The following TOM1 variants were observed in gnomAD, a reference collection of about 807,000 sequenced individuals.
The protein encoded by TOM1 is target of myb1 membrane trafficking protein.
A neutral mutation model predicts 61.3 loss-of-function variants in TOM1; 38 were observed. The observed-to-expected ratio is 0.62, with a 90% CI of 0.48 to 0.81. The LOEUF (loss-of-function observed/expected upper bound fraction) is 0.81, where lower values mean the gene tolerates loss of function less well. Ranked by LOEUF, TOM1 falls within the 40% of genes least tolerant of loss-of-function variation. The pLI is 0.00. For synonymous variants in TOM1, 270 were observed against 268.8 expected, an observed-to-expected ratio of 1.00 and a Z score of -0.04; for missense variants, 591 against 659.6, an observed-to-expected ratio of 0.90 and a Z score of 1.14.
In TOM1 at chr22:35,327,361, G is replaced by A. The variant is rs200670439; in HGVS notation, c.739G>A (p.Glu247Lys). 2.2e-5 allele frequency: 36 copies of A among 1,613,520 alleles called. No individual in the cohort carries two copies. The highest frequency in any genetic ancestry group is 8.0e-5 in the African/African-American group (6 of 75,040). The change falls in exon 7 of 15, where the codon GAG becomes AAG. Residue 247 changes from glutamate to lysine, a missense_variant. Physicochemically the swap from Glu to Lys is moderately conservative, Grantham distance 56 (BLOSUM62 1). Transcript: ENST00000449058. The stretch of plus-strand genomic sequence containing the variant: ...GACGGAGCTGGTGCCCACCCAGGCC[G>A]AGCCCGCAGACCTGGAGCTGCTGCA... ...MLTELVPTQA[E>K]PADLELLQEL...
intron 2 of TOM1, 66 bp from the exon 3 acceptor site, chr22:35,321,893 C>T (rs1927823325): frequency 8.8e-6 from 12 of 1,365,586 alleles, no homozygotes; most frequent in Non-Finnish European, 1.2e-5. Context: ...TCCAACTCTC[C>T]AGGGTCTCTG....
At chr22:35,307,652 C>T (rs1306537261) in intron 1 of TOM1, among the ~76,000 whole-genome samples, 1 of 152,108 alleles carries the variant, frequency 6.6e-6, no homozygotes. Context: ...AACTGGGCCT[C>T]GCTCCTGCTG....
At chr22:35,346,880 C>G (rs371002429) in intron 13 of TOM1, 50 bp from the exon 14 acceptor site, 2 of 1,576,932 alleles carry the variant, frequency 1.3e-6, no homozygotes, top group East Asian at 2.2e-5. Flanking sequence ...CCAGGCTGAC[C>G]GTACTGGGGG....
intron 1 of TOM1, among the ~76,000 whole-genome samples, chr22:35,309,412 G>C (rs1303338989): frequency 4.6e-5 from 7 of 152,176 alleles, no homozygotes; most frequent in Admixed American, 3.3e-4. Flanking sequence ...GGGAGGCCAA[G>C]ACAGGCAGAT....
intron 1 of TOM1, among the ~76,000 whole-genome samples, chr22:35,311,608 T>C (rs1043724585): frequency 1.3e-5 from 2 of 152,204 alleles, no homozygotes; most frequent in Non-Finnish European, 2.9e-5. Context: ...CCCTCTGCTC[T>C]GTTGCACCAG....
chr22:35,345,594 G>A (rs1930435554), intron 12 of TOM1, 131 bp from the exon 13 acceptor site: 1 of 843,078 alleles, frequency 1.2e-6, no homozygotes. Flanking sequence ...CCCAGTGGTG[G>A]GTCCGGGCAG....
intron 1 of TOM1, among the ~76,000 whole-genome samples, chr22:35,304,679 C>G (rs1358336857): frequency 6.6e-6 from 1 of 152,170 alleles, no homozygotes; most frequent in Non-Finnish European, 1.5e-5. Flanking sequence ...GGGGTTTCAC[C>G]GTGTTAGCCA....
At chr22:35,325,781 A>G (rs1200768190) in intron 6 of TOM1, among the ~76,000 whole-genome samples, 1 of 152,246 alleles carries the variant, frequency 6.6e-6, no homozygotes, top group African/African-American at 2.4e-5. Context: ...CAATGCAAGA[A>G]GGTGCTTGCT....
At chr22:35,324,079 G>A (rs895600964) in intron 6 of TOM1, among the ~76,000 whole-genome samples, 165 bp downstream of exon 6, 9 of 152,206 alleles carry the variant, frequency 5.9e-5, no homozygotes, top group African/African-American at 1.9e-4. Flanking sequence ...GACTCAGAGA[G>A]GTCCATTCAC....
At chr22:35,330,560 A>C in intron 8 of TOM1, 80 bp downstream of exon 8, 2 of 1,393,920 alleles carry the variant, frequency 1.4e-6, no homozygotes, top group South Asian at 1.4e-5. Flanking sequence ...TCCTGGTCTC[A>C]TGCCATCTGA....
intron 1 of TOM1, among the ~76,000 whole-genome samples, chr22:35,304,152 G>A (rs1926102769): frequency 6.6e-6 from 1 of 152,144 alleles, no homozygotes; most frequent in Admixed American, 6.5e-5. Flanking sequence ...GCCACTCAAG[G>A]TCAGAATCCA....
rs939736006 is a variant in TOM1, at chr22:35,347,274, C to T, written c.*65C>T. On this transcript the variant is annotated 3_prime_UTR_variant, in exon 15 of 15. Transcript: ENST00000449058. ...TCTCACACCCTTAGGCTGGGACCTC[C>T]CTCCCTCCTCTGGTGTTAAGGCTGC... The T allele has an allele frequency of 1.1e-5, 17 of 1,492,832 alleles. No homozygotes were observed. Among genetic ancestry groups the T allele is most frequent in the Non-Finnish European group, 1.4e-5 (16 of 1,112,064 alleles). 92.5% of individuals were successfully genotyped at this position (1,492,832 alleles called of 1,614,324 possible).
At position 35,320,987 on chromosome 22, in the gene TOM1, G is replaced by GAAA. The variant is rs138783; in HGVS notation, c.138-960_138-958dup. On this transcript the variant is annotated intron_variant, in intron 2 of 14. Transcript: ENST00000449058. Reference sequence around the variant, plus strand: ...ACAGAGTGAGACTCTGTCTCAGAAGGAAAAAAAAAAAAAACTTGAATGGAA... The same window carrying GAAA: ...ACAGAGTGAGACTCTGTCTCAGAAGGAAAAAAAAAAAAAAAAACTTGAATGGAA... Among the ~76,000 whole-genome samples the GAAA allele has an allele frequency of 1.5e-3, 129 of 88,948 alleles. 6 individuals carry two copies. Among genetic ancestry groups the GAAA allele is most frequent in the African/African-American group, 4.2e-3 (119 of 28,304 alleles). The allele number at this position is 88,948 out of a possible 152,430, so 58.4% of individuals were successfully genotyped here. A position where few individuals can be genotyped will look rare whatever the true frequency, so the allele number is the denominator to read the frequency against.
At chr22:35,299,596 C>T (rs1316443462), upstream of TOM1, 6 of 345,178 alleles carry the variant, frequency 1.7e-5, no homozygotes, top group Non-Finnish European at 3.2e-5. Context: ...GGTCTACGAC[C>T]CAGTTTCCCA....
At chr22:35,339,838 A>G (rs2145714650) in intron 12 of TOM1, among the ~76,000 whole-genome samples, 1 of 150,300 alleles carries the variant, frequency 6.7e-6, no homozygotes, top group South Asian at 2.1e-4. Flanking sequence ...CAGGAGGCGG[A>G]GCTTGCAGTG....
intron 1 of TOM1, among the ~76,000 whole-genome samples, chr22:35,303,504 C>CTTTTTTTTTTTTTT: frequency 7.6e-6 from 1 of 131,610 alleles, no homozygotes. Context: ...TTTATTATTT[C>CTTTTTTTTTTTTTT]TTTTTTTTTT....
At chr22:35,338,893 C>A in intron 12 of TOM1, 105 bp downstream of exon 12, 1 of 1,052,998 alleles carries the variant, frequency 9.5e-7, no homozygotes, top group Non-Finnish European at 1.3e-6. Flanking sequence ...CCAGCACGTC[C>A]ACAGGCCCTT....
chr22:35,327,559 G>A (rs114740270), intron 7 of TOM1, among the ~76,000 whole-genome samples, 172 bp downstream of exon 7: 149 of 152,312 alleles, frequency 9.8e-4, no homozygotes, highest in African/African-American at 3.4e-3. Context: ...GAATCAGATC[G>A]CAGCTCTACC....
chr22:35,305,145 G>A (rs1271499503), intron 1 of TOM1, among the ~76,000 whole-genome samples: 2 of 152,226 alleles, frequency 1.3e-5, no homozygotes, highest in Non-Finnish European at 2.9e-5. Flanking sequence ...GCTGGAAAGT[G>A]GACACTTAAG....
Sources: allele counts gnomAD v4.1 joint callset (sites outside exome capture counted in the v4.1 genomes callset), GRCh38; gene constraint gnomAD v4.1.1; transcripts MANE v1.5; gene names NCBI Gene and HGNC (gene_info 2026-07-23, HGNC 2026-07-21).